The following AKAP9 variants were observed in gnomAD, a reference collection of about 807,000 sequenced individuals.
AKAP9 encodes A-kinase anchor protein 9.
AKAP9 carries 311 observed loss-of-function variants against 488.5 expected under a neutral mutation model. The observed-to-expected ratio is 0.64, with a 90% CI of 0.58 to 0.70. AKAP9 has a LOEUF of 0.70. Ranked by LOEUF, AKAP9 falls within the 30% of genes least tolerant of loss-of-function variation. AKAP9 has a pLI of 0.00. For missense variants in AKAP9, 4,215 were observed against 4,374.5 expected (o/e 0.96, Z 1.03); for synonymous variants, 1,462 against 1,483.5 (o/e 0.99, Z 0.33).
chr7:91,963,065 T>C (rs1054195856), intron 1 of AKAP9, among the ~76,000 whole-genome samples: 1 of 152,204 alleles, frequency 6.6e-6, no homozygotes, highest in African/African-American at 2.4e-5. Flanking sequence ...TAATTTCTTT[T>C]GGTTTTGCAT....
intron 49 of AKAP9, 29 bp downstream of exon 49, chr7:92,108,662 GC>G (rs779606041): frequency 1.9e-6 from 3 of 1,613,776 alleles, no homozygotes; most frequent in Non-Finnish European, 2.5e-6. Flanking sequence ...CATCTTGGCA[GC>G]ACCACAGTGC....
chr7:92,066,400 A>G (rs1371360906), intron 25 of AKAP9, 27 bp from the exon 26 acceptor site: 4 of 1,611,210 alleles, frequency 2.5e-6, no homozygotes, highest in African/African-American at 2.7e-5. Flanking sequence ...TTCTTCAGCT[A>G]CTATCATTAT....
In AKAP9 at chr7:92,098,225, T is replaced by C; in HGVS notation, c.10713+11T>C. The stretch of plus-strand genomic sequence containing the variant: ...CAGCAAGGTGAAGAGGTAATACTTT[T>C]TAAAAGTTATTTCTGAAGCATTGAG... On this transcript the variant is annotated intron_variant, in intron 43 of 49. Transcript: ENST00000356239. 6.6e-7 allele frequency: 1 copy of C among 1,517,280 alleles called. No homozygotes were observed. Among genetic ancestry groups the C allele is most frequent in the Non-Finnish European group, 9.1e-7 (1 of 1,093,506 alleles). The allele number at this position is 1,517,280 out of a possible 1,614,324, so 94.0% of individuals were successfully genotyped here.
At chr7:92,071,388 G>GTT (rs199723894) in intron 28 of AKAP9, among the ~76,000 whole-genome samples, 1 of 142,580 alleles carries the variant, frequency 7.0e-6, no homozygotes, top group Non-Finnish European at 1.5e-5. Context: ...TTGCTGTGTG[G>GTT]TTTTTTTTTT....
Position 91,995,950 on chromosome 7 carries a change from C to T in AKAP9, c.930+150C>T, listed in dbSNP as rs1402352653. The T allele has an allele frequency of 7.7e-6, 5 of 649,690 alleles. No homozygotes were observed. In the East Asian group the frequency reaches 1.1e-4, roughly 14 times the overall value. The allele number at this position is 649,690 out of a possible 1,614,324, so 40.2% of individuals were successfully genotyped here. A position where few individuals can be genotyped will look rare whatever the true frequency, so the allele number is the denominator to read the frequency against. ...ATTTATTTCAAAAGCAAATGGGAAT[C>T]TCAGTAATGTAGTTTTTAAGATAAT... is the stretch of plus-strand genomic sequence containing the variant. On this transcript the variant is annotated intron_variant, in intron 7 of 49. Coordinates refer to ENST00000356239, the MANE Select transcript of AKAP9 (RefSeq NM_005751.5).
At chr7:92,003,360 T>A in intron 8 of AKAP9, 125 bp downstream of exon 8, 1 of 729,604 alleles carries the variant, frequency 1.4e-6, no homozygotes, top group Non-Finnish European at 2.2e-6. Flanking sequence ...CCCTCTGATG[T>A]AATTTTAACT....
intron 17 of AKAP9, among the ~76,000 whole-genome samples, chr7:92,039,298 C>A (rs1805672222): frequency 6.6e-6 from 1 of 152,114 alleles, no homozygotes; most frequent in Non-Finnish European, 1.5e-5. Context: ...TCATAGTATT[C>A]TTGTTTATCT....
intron 28 of AKAP9, among the ~76,000 whole-genome samples, chr7:92,075,755 C>CTGT (rs1222247272): frequency 6.6e-6 from 1 of 152,150 alleles, no homozygotes; most frequent in Non-Finnish European, 1.5e-5. Flanking sequence ...TAGCGGTAAA[C>CTGT]TGTTACAAGT....
At chr7:92,061,593 TATATATATATATATATATATATATATAA>T (rs1809819883) in intron 23 of AKAP9, among the ~76,000 whole-genome samples, 171 bp downstream of exon 23, 1 of 62,218 alleles carries the variant, frequency 1.6e-5, no homozygotes, top group African/African-American at 8.5e-5. Context: ...ACTATATATA[TATATATATATATATATATATATATATAA>T]AATTATAAAA....
At position 92,070,210 on chromosome 7, in the gene AKAP9, T is replaced by A; in HGVS notation, c.6507+4T>A. The A allele has an allele frequency of 6.2e-7, 1 of 1,613,928 alleles. No individual in the cohort carries two copies. Among genetic ancestry groups the A allele is most frequent in the Non-Finnish European group, 8.5e-7 (1 of 1,179,866 alleles). On this transcript the variant is annotated splice_donor_region_variant and intron_variant, in intron 27 of 49. Coordinates refer to ENST00000356239, the MANE Select transcript of AKAP9 (RefSeq NM_005751.5). Reference sequence around the variant, plus strand: ...GAGTGCAGATACTTTTCAAAAGGTGTGGCATTTTATTTGGGCTAACTTAAT... The same window carrying A: ...GAGTGCAGATACTTTTCAAAAGGTGAGGCATTTTATTTGGGCTAACTTAAT...
intron 1 of AKAP9, among the ~76,000 whole-genome samples, chr7:91,971,660 C>T (rs370174147): frequency 4.8e-4 from 72 of 150,744 alleles, no homozygotes; most frequent in Middle Eastern, 3.4e-3. Flanking sequence ...CTCTGCCTCC[C>T]GGGTTCACGC....
chr7:92,090,803 G>T (rs2130886479), intron 38 of AKAP9, among the ~76,000 whole-genome samples: 1 of 152,270 alleles, frequency 6.6e-6, no homozygotes, highest in Admixed American at 6.5e-5. Context: ...CTGAGTATAT[G>T]ACTAAGAGCA....
intron 28 of AKAP9, among the ~76,000 whole-genome samples, chr7:92,073,439 G>C (rs1021192585): frequency 6.6e-6 from 1 of 151,820 alleles, no homozygotes; most frequent in Non-Finnish European, 1.5e-5. Flanking sequence ...CCGGGAGGCA[G>C]AGCTTGCAGT....
At chr7:91,974,024 A>G in intron 2 of AKAP9, 56 bp downstream of exon 2, 1 of 1,598,154 alleles carries the variant, frequency 6.3e-7, no homozygotes, top group Non-Finnish European at 8.6e-7. Context: ...AGTAGTCATA[A>G]CAACAGTCAT....
chr7:91,994,982 C>T (rs1447859343), intron 6 of AKAP9, among the ~76,000 whole-genome samples: 1 of 152,054 alleles, frequency 6.6e-6, no homozygotes, highest in East Asian at 1.9e-4. Context: ...CTTTTCATTT[C>T]CTCCCTGTCT....
Position 92,095,190 on chromosome 7 carries a change from C to T in AKAP9, c.9729+17C>T, listed in dbSNP as rs776936265. ...GAACTTGAGGTACTGTTATCTTTGT[C>T]TTTAAATGTCTGGAAAATCCAGAAT... On this transcript the variant is annotated intron_variant, in intron 40 of 49. Transcript: ENST00000356239. 59 of 1,613,904 alleles carry T rather than the reference C, an allele frequency of 3.7e-5. 1 individual carries two copies. The highest frequency in any genetic ancestry group is 2.5e-4 in the Admixed American group (15 of 60,004).
At chr7:92,110,075 A>G in intron 49 of AKAP9, 47 bp from the exon 50 acceptor site, 1 of 1,410,240 alleles carries the variant, frequency 7.1e-7, no homozygotes, top group Non-Finnish European at 1.0e-6. Flanking sequence ...TGATACAGGT[A>G]GCAATGTAAT....
Position 92,077,842 on chromosome 7 carries a change from C to T in AKAP9, c.6912C>T (p.Leu2304=). ...AATTAAATGAACAAGTTACGAAACT[C>T]CAGCAGCAACTTAAAATTACAACAG... The part of the protein sequence containing the change: ...IDQLNEQVTK[L]QQQLKITTDN... The change falls in exon 30 of 50, where the codon CTC becomes CTT. Residue 2304 remains leucine, a synonymous_variant. Coordinates refer to ENST00000356239, the MANE Select transcript of AKAP9 (RefSeq NM_005751.5). 6.2e-7 allele frequency: 1 copy of T among 1,613,318 alleles called. No individual in the cohort carries two copies. Among genetic ancestry groups the T allele is most frequent in the Non-Finnish European group, 8.5e-7 (1 of 1,179,692 alleles).
chr7:92,089,548 T>G lies in AKAP9; in HGVS notation c.9358+19T>G. On this transcript the variant is annotated intron_variant, in intron 38 of 49. Transcript: ENST00000356239. ...AGCCAAGGTATGTTGTATGACAAGC[T>G]CATATGGTTACACAAACAGGTGAAA... The G allele has an allele frequency of 6.2e-7, 1 of 1,611,258 alleles. No individual in the cohort carries two copies. Among genetic ancestry groups the G allele is most frequent in the Non-Finnish European group, 8.5e-7 (1 of 1,178,268 alleles).
Sources: allele counts gnomAD v4.1 joint callset (sites outside exome capture counted in the v4.1 genomes callset), GRCh38; gene constraint gnomAD v4.1.1; transcripts MANE v1.5; gene names NCBI Gene and HGNC (gene_info 2026-07-23, HGNC 2026-07-21).